The following PCDHGB2 variants were observed in gnomAD, a reference collection of about 807,000 sequenced individuals.
PCDHGB2 encodes the protein protocadherin gamma-B2.
Under a neutral mutation model 59.3 loss-of-function variants are expected in PCDHGB2, and 55 were observed. The observed-to-expected ratio is 0.93, with a 90% CI of 0.75 to 1.16. PCDHGB2 has a LOEUF of 1.16. Among genes scored for constraint, PCDHGB2 ranks in the 50% most tolerant of loss-of-function variants. The pLI is 0.00. For missense variants in PCDHGB2, 1,228 were observed against 1,198.5 expected (o/e 1.02, Z -0.36); for synonymous variants, 516 against 512.0 (o/e 1.01, Z -0.11).
At position 141,361,200 on chromosome 5, in the gene PCDHGB2, C is replaced by T. The variant is rs1235032205; in HGVS notation, c.1065C>T (p.Pro355=). 1 of 1,613,940 alleles carries T rather than the reference C, an allele frequency of 6.2e-7. No homozygotes were observed. Residue 355 remains proline, a synonymous_variant, in exon 1 of 4, where the codon CCC becomes CCT. Transcript: ENST00000522605. ...TTATTGTGACTTCAGTATCTACTCC[C>T]CTACCGGAGGATTCGCCACCAGGAA... ...PEVIVTSVST[P]LPEDSPPGTV...
chr5:141,385,360 T>C, intron 1 of PCDHGB2: 1 of 1,545,774 alleles, frequency 6.5e-7, no homozygotes, highest in South Asian at 1.3e-5. Context: ...ATGAGGAATT[T>C]ATTTGCATGA....
At chr5:141,500,500 C>T (rs6872480) in intron 2 of PCDHGB2, among the ~76,000 whole-genome samples, 1,599 of 152,210 alleles carry the variant, frequency 0.011, 36 homozygotes, top group African/African-American at 0.036. Context: ...TGAGCCACCG[C>T]GCCTGGCCGA....
chr5:141,451,606 G>A (rs2098720118), intron 1 of PCDHGB2, among the ~76,000 whole-genome samples: 1 of 152,152 alleles, frequency 6.6e-6, no homozygotes, highest in Admixed American at 6.5e-5. Flanking sequence ...ACAAGGCTAG[G>A]CATGGTGGCT....
At position 141,432,436 on chromosome 5, in the gene PCDHGB2, G is replaced by C; in HGVS notation, c.2422-62371G>C. ...TCGTGCTGGACCAGAACGACAATGC[G>C]CCCGAGATCCTGTACCCCGCCCTCC... On this transcript the variant is annotated intron_variant, in intron 1 of 3. Transcript: ENST00000522605. This position sits in a 1 kb window ranked among gnomAD's most constrained non-coding sequence, Gnocchi z 6.0. 1 of 1,614,196 alleles carries C rather than the reference G, an allele frequency of 6.2e-7. No individual in the cohort carries two copies. Among genetic ancestry groups the C allele is most frequent in the Middle Eastern group, 1.6e-4 (1 of 6,062 alleles).
At position 141,360,228 on chromosome 5, in the gene PCDHGB2, C is replaced by T; in HGVS notation, c.93C>T (p.Val31=). ...CTTTGTTCCCCGGGGCTCTCCCAGTCCAGATCCGCTATTCAATTCCAGAGG... is the reference window on the plus strand; with the variant it reads ...CTTTGTTCCCCGGGGCTCTCCCAGTTCAGATCCGCTATTCAATTCCAGAGG... ...LLSLFPGALP[V]QIRYSIPEEL... Residue 31 remains valine, a synonymous_variant, in exon 1 of 4, where the codon GTC becomes GTT. Coordinates refer to ENST00000522605, the MANE Select transcript of PCDHGB2 (RefSeq NM_018923.3). The T allele has an allele frequency of 6.2e-7, 1 of 1,613,842 alleles. No homozygotes were observed. Among genetic ancestry groups the T allele is most frequent in the African/African-American group, 1.3e-5 (1 of 75,034 alleles).
At position 141,361,155 on chromosome 5, in the gene PCDHGB2, C is replaced by A. The variant is rs760085788; in HGVS notation, c.1020C>A (p.Asp340Glu). Residue 340 changes from aspartate to glutamate, a missense_variant, in exon 1 of 4, where the codon GAC (aspartate) becomes GAA (glutamate). Physicochemically the swap from Asp to Glu is conservative, Grantham distance 45. Coordinates refer to ENST00000522605, the MANE Select transcript of PCDHGB2 (RefSeq NM_018923.3). ...HCSIQVEILD[D>E]NDCAPEVIVT... Reference sequence around the variant, plus strand: ...GTATCCAAGTTGAAATTCTTGATGACAACGATTGTGCACCTGAAGTTATTG... The same window carrying A: ...GTATCCAAGTTGAAATTCTTGATGAAAACGATTGTGCACCTGAAGTTATTG... 16 of 1,613,954 alleles carry A rather than the reference C, an allele frequency of 9.9e-6. No homozygotes were observed. In the South Asian group the frequency reaches 1.6e-4, roughly 17 times the overall value.
Position 141,397,950 on chromosome 5 carries a change from G to T in PCDHGB2, c.2421+35394G>T, listed in dbSNP as rs142142786. 7.7e-4 allele frequency: 722 copies of T among 938,408 alleles called. 6 individuals carry two copies. The African/African-American group carries it at 0.01, about 13-fold the overall frequency. 58.1% of individuals were successfully genotyped at this position (938,408 alleles called of 1,614,324 possible). A position where few individuals can be genotyped will look rare whatever the true frequency, so the allele number is the denominator to read the frequency against. On this transcript the variant is annotated intron_variant, in intron 1 of 3. Transcript: ENST00000522605. ...CAGCCGCAGCGCGCTTTCCAGGGCA[G>T]CCCCAGCTCAGACTCCCCAGCGCCG... is the stretch of plus-strand genomic sequence containing the variant.
At position 141,485,301 on chromosome 5, in the gene PCDHGB2, C is replaced by T; in HGVS notation, c.2422-9506C>T. 1 of 1,614,124 alleles carries T rather than the reference C, an allele frequency of 6.2e-7. No homozygotes were observed. The highest frequency in any genetic ancestry group is 1.1e-5 in the South Asian group (1 of 91,082). The stretch of plus-strand genomic sequence containing the variant: ...GTCCCAGAGGAGTCACAGGAAGGGA[C>T]TTTTGTAGGGAATGTCGCTCAAGAT... On this transcript the variant is annotated intron_variant, in intron 1 of 3. Coordinates refer to ENST00000522605, the MANE Select transcript of PCDHGB2 (RefSeq NM_018923.3). This position sits in a 1 kb window ranked among gnomAD's most constrained non-coding sequence, Gnocchi z 5.7.
intron 1 of PCDHGB2, chr5:141,404,120 C>T (rs1224189151): frequency 1.2e-6 from 2 of 1,613,312 alleles, no homozygotes; most frequent in East Asian, 4.5e-5. Flanking sequence ...CCAGGAGAAT[C>T]TATCTTTTAC....
chr5:141,376,457 C>T (rs945491393), intron 1 of PCDHGB2: 1 of 1,614,214 alleles, frequency 6.2e-7, no homozygotes, highest in Non-Finnish European at 8.5e-7. Context: ...CGAGCCTCTT[C>T]TGATAACTCA....
At chr5:141,496,928 G>A (rs2099772685) in intron 2 of PCDHGB2, among the ~76,000 whole-genome samples, 1 of 151,334 alleles carries the variant, frequency 6.6e-6, no homozygotes, top group Non-Finnish European at 1.5e-5. Context: ...GTTCACGCCT[G>A]TAATCCCAGC....
At chr5:141,403,836 A>G (rs370798833) in intron 1 of PCDHGB2, 8 of 1,613,670 alleles carry the variant, frequency 5.0e-6, no homozygotes, top group African/African-American at 1.3e-5. Context: ...TTCCAGCTTA[A>G]TGAAAATACT....
At position 141,399,297 on chromosome 5, in the gene PCDHGB2, T is replaced by G. The variant is rs370898446; in HGVS notation, c.2421+36741T>G. On this transcript the variant is annotated intron_variant, in intron 1 of 3. Transcript: ENST00000522605. The stretch of plus-strand genomic sequence containing the variant: ...TACAAGGCGAAGTCCCTTTTAAGAT[T>G]ATCTCTTCATCCAAAAATTCGTATA... 14 of 1,613,948 alleles carry G rather than the reference T, an allele frequency of 8.7e-6. No individual in the cohort carries two copies. The East Asian group carries it at 2.9e-4, about 33-fold the overall frequency.
At chr5:141,419,793 C>T in intron 1 of PCDHGB2, 1 of 1,614,072 alleles carries the variant, frequency 6.2e-7, no homozygotes, top group East Asian at 2.2e-5. Flanking sequence ...CTGCTAGTCG[C>T]TGTAAGAGAT....
intron 1 of PCDHGB2, chr5:141,421,364 T>C (rs975166167): frequency 3.7e-6 from 6 of 1,613,994 alleles, no homozygotes; most frequent in African/African-American, 1.3e-5. Context: ...GGCTCCTTCG[T>C]GGGCAATATC....
intron 1 of PCDHGB2, chr5:141,478,463 G>A: frequency 6.2e-7 from 1 of 1,613,424 alleles, no homozygotes; most frequent in South Asian, 1.1e-5. Context: ...CAGTCCACTG[G>A]CCAGCCGCCA....
intron 1 of PCDHGB2, among the ~76,000 whole-genome samples, chr5:141,437,156 G>A (rs2097864365): frequency 6.6e-6 from 1 of 152,172 alleles, no homozygotes. Flanking sequence ...TAACATATGT[G>A]TTGATTGTTT....
Position 141,391,341 on chromosome 5 carries a change from CTCTG to C in PCDHGB2, c.2421+28791_2421+28794del, listed in dbSNP as rs1256271403. Reference sequence around the variant, plus strand: ...TCTTTTTTTTTTTTTGAGACAGAGTCTCTGTCTGTTACTCAGGCTGTAGTGCAGT... The same window carrying C: ...TCTTTTTTTTTTTTTGAGACAGAGTCTCTGTTACTCAGGCTGTAGTGCAGT... On this transcript the variant is annotated intron_variant, in intron 1 of 3. Transcript: ENST00000522605. 2.1e-5 allele frequency: 3 copies of C among 145,162 alleles called. No individual in the cohort carries two copies. In the South Asian group the frequency reaches 6.5e-4, roughly 32 times the overall value. The allele number at this position is 145,162 out of a possible 1,614,324, so 9.0% of individuals were successfully genotyped here.
chr5:141,371,011 C>G, intron 1 of PCDHGB2: 4 of 1,613,966 alleles, frequency 2.5e-6, no homozygotes, highest in Non-Finnish European at 3.4e-6. Context: ...GAAGAGCAGC[C>G]ACATCACCAC....
Sources: gnomAD v4.1 joint callset for allele counts (sites outside exome capture counted in the v4.1 genomes callset) on GRCh38, gnomAD v4.1.1 for gene constraint, Gnocchi (gnomAD v3.1) non-coding constraint, MANE v1.5 for transcripts, NCBI Gene and HGNC (gene_info 2026-07-23, HGNC 2026-07-21) for gene names.